ZBTB47: variants seen among roughly 807,000 people sequenced by gnomAD.
ZBTB47 encodes the protein zinc finger and BTB domain-containing protein 47.
Under a neutral mutation model 56.6 loss-of-function variants are expected in ZBTB47, and 24 were observed. The ratio of observed to expected loss-of-function variants is 0.42; its 90% confidence interval spans 0.31 to 0.60. The LOEUF (loss-of-function observed/expected upper bound fraction) is 0.60. Among genes scored for constraint, ZBTB47 ranks in the 20% least tolerant of loss-of-function variants. The pLI is 0.14. For missense variants in ZBTB47, 829 were observed against 1,032.6 expected (o/e 0.80, Z 2.70); for synonymous variants, 414 against 418.9 (o/e 0.99, Z 0.14).
intron 2 of ZBTB47, among the ~76,000 whole-genome samples, chr3:42,660,743 G>A (rs908298739): frequency 3.3e-5 from 5 of 152,180 alleles, no homozygotes; most frequent in African/African-American, 1.2e-4. Context: ...CCACTTGCCC[G>A]CCTGCTGGGC....
At position 42,659,256 on chromosome 3, in the gene ZBTB47, G is replaced by A; in HGVS notation, c.901G>A (p.Glu301Lys). The A allele has an allele frequency of 7.4e-7, 1 of 1,343,588 alleles. No individual in the cohort carries two copies. Among genetic ancestry groups the A allele is most frequent in the South Asian group, 1.5e-5 (1 of 68,460 alleles). 83.2% of individuals were successfully genotyped at this position (1,343,588 alleles called of 1,614,324 possible). A position where few individuals can be genotyped will look rare whatever the true frequency, so the allele number is the denominator to read the frequency against. Reference protein sequence around the residue: ...EEEEGGGSGREEEEEEEGGSQ... With the variant: ...EEEEGGGSGRKEEEEEEGGSQ... ...AGAGGAAGGTGGTGGCAGTGGACGG[G>A]AGGAGGAGGAGGAGGAAGAGGGTGG... Residue 301 changes from glutamate (E) to lysine (K), a missense_variant, in exon 2 of 6, where the codon GAG becomes AAG. Transcript: ENST00000232974.
Position 42,659,287 on chromosome 3 carries a change from A to G in ZBTB47, c.932A>G (p.Gln311Arg). Residue 311 changes from glutamine to arginine, a missense_variant, in exon 2 of 6, where the codon CAG (glutamine) becomes CGG (arginine). Physicochemically the swap from Gln to Arg is conservative, Grantham distance 43. This residue lies in a region of ZBTB47 where 359 missense variants were observed against 359.8 expected (regional missense o/e 1.00). Transcript: ENST00000232974. ...EEEEEEEGGS[Q>R]GEEEEEEEDG... ...GAGGAGGAGGAAGAGGGTGGCAGTC[A>G]GGGAGAAGAGGAAGAAGAGGAGGAG... 6.7e-7 allele frequency: 1 copy of G among 1,498,676 alleles called. No individual in the cohort carries two copies. Among genetic ancestry groups the G allele is most frequent in the Non-Finnish European group, 9.0e-7 (1 of 1,115,004 alleles). The allele number at this position is 1,498,676 out of a possible 1,614,324, so 92.8% of individuals were successfully genotyped here. A position where few individuals can be genotyped will look rare whatever the true frequency, so the allele number is the denominator to read the frequency against.
At chr3:42,657,358 G>C (rs1267707683) in intron 1 of ZBTB47, among the ~76,000 whole-genome samples, 1 of 152,196 alleles carries the variant, frequency 6.6e-6, no homozygotes, top group East Asian at 1.9e-4. Flanking sequence ...GGGGTCTGGG[G>C]GTCTACCGGG....
Position 42,654,700 on chromosome 3 carries a change from G to C in ZBTB47, c.-82+817G>C. 1.0e-6 allele frequency: 1 copy of C among 984,994 alleles called. No individual in the cohort carries two copies. Among genetic ancestry groups the C allele is most frequent in the East Asian group, 1.1e-4 (1 of 8,756 alleles). 61.0% of individuals were successfully genotyped at this position (984,994 alleles called of 1,614,324 possible). On this transcript the variant is annotated intron_variant, in intron 1 of 5. Coordinates refer to ENST00000232974, the MANE Select transcript of ZBTB47 (RefSeq NM_145166.4). The surrounding 1 kb of genome is among the most constrained non-coding windows in gnomAD (Gnocchi z 5.0). Reference sequence around the variant, plus strand: ...CCCCAGCGCCACGGCACCATGGTACGCAGGGCCCTGCCTGTCCCCCCGCTT... The same window carrying C: ...CCCCAGCGCCACGGCACCATGGTACCCAGGGCCCTGCCTGTCCCCCCGCTT...
At position 42,661,542 on chromosome 3, in the gene ZBTB47, A is replaced by G. The variant is rs751652342; in HGVS notation, c.1531A>G (p.Ile511Val). 1.9e-6 allele frequency: 3 copies of G among 1,614,046 alleles called. No individual in the cohort carries two copies. Among genetic ancestry groups the G allele is most frequent in the Non-Finnish European group, 2.5e-6 (3 of 1,179,890 alleles). Residue 511 changes from isoleucine to valine, a missense_variant, in exon 3 of 6, where the codon ATT becomes GTT. Ile to Val is a conservative substitution (Grantham distance 29, BLOSUM62 3). Transcript: ENST00000232974. ...TTGGTCCCTCCATGAGCATAACAAG[A>G]TTGTGCACGGCTACGCAGAGAAGAA... ...KLWSLHEHNK[I>V]VHGYAEKKFS...
In ZBTB47 at chr3:42,663,026, A is replaced by C; in HGVS notation, c.1636A>C (p.Met546Leu). ...RKHMVAHTKD[M>L]PFTCETCGKS... ...CCACCTCGTAGCCCACACCAAGGAC[A>C]TGCCCTTCACCTGCGAGACCTGCGG... The change falls in exon 4 of 6, where the codon ATG (methionine) becomes CTG (leucine). Residue 546 changes from methionine to leucine, a missense_variant. Coordinates refer to ENST00000232974, the MANE Select transcript of ZBTB47 (RefSeq NM_145166.4). The surrounding 1 kb of genome is among the most constrained non-coding windows in gnomAD (Gnocchi z 5.1). 1 of 1,613,762 alleles carries C rather than the reference A, an allele frequency of 6.2e-7. No individual in the cohort carries two copies. The highest frequency in any genetic ancestry group is 8.5e-7 in the Non-Finnish European group (1 of 1,179,672).
At position 42,665,182 on chromosome 3, in the gene ZBTB47, TG is replaced by T; in HGVS notation, c.*590del. ...GCCTGAGACTGGACCTGGGTGAGCG[TG>T]GGGGGTGGAGGGTGGCGAGGTGCGG... is the stretch of plus-strand genomic sequence containing the variant. On this transcript the variant is annotated 3_prime_UTR_variant, in exon 6 of 6. Coordinates refer to ENST00000232974, the MANE Select transcript of ZBTB47 (RefSeq NM_145166.4). 6.6e-6 allele frequency: 1 copy of T among 152,566 alleles called. No individual in the cohort carries two copies. The highest frequency in any genetic ancestry group is 1.5e-5 in the Non-Finnish European group (1 of 68,362). 9.5% of individuals were successfully genotyped at this position (152,566 alleles called of 1,614,324 possible).
chr3:42,663,124 T>C lies in ZBTB47; in HGVS notation c.1734T>C (p.Cys578=). ...ACTCAGGGGAGAAGCCGTTCAGATGTGAGGTGAGCTTCCATCTCCTGCCTG... is the reference window on the plus strand; with the variant it reads ...ACTCAGGGGAGAAGCCGTTCAGATGCGAGGTGAGCTTCCATCTCCTGCCTG... ...LQHSGEKPFR[C]ENCNERFQYK... is the part of the protein sequence containing the mutation. Residue 578 remains cysteine, a synonymous_variant, in exon 4 of 6, where the codon TGT becomes TGC. Coordinates refer to ENST00000232974, the MANE Select transcript of ZBTB47 (RefSeq NM_145166.4). This position sits in a 1 kb window ranked among gnomAD's most constrained non-coding sequence, Gnocchi z 5.1. 1 of 1,609,826 alleles carries C rather than the reference T, an allele frequency of 6.2e-7. No individual in the cohort carries two copies. Among genetic ancestry groups the C allele is most frequent in the Non-Finnish European group, 8.5e-7 (1 of 1,176,316 alleles).
chr3:42,658,419 G>A lies in ZBTB47; in HGVS notation c.64G>A (p.Val22Met). The A allele has an allele frequency of 6.5e-7, 1 of 1,536,990 alleles. No homozygotes were observed. Among genetic ancestry groups the A allele is most frequent in the Non-Finnish European group, 8.7e-7 (1 of 1,146,914 alleles). Reference protein sequence around the residue: ...PDLCDVDLVLVPQRSVFPAHK... With the variant: ...PDLCDVDLVLMPQRSVFPAHK... ...CCTCTGCGACGTGGACTTGGTGCTG[G>A]TGCCCCAGCGCAGCGTCTTTCCGGC... The change falls in exon 2 of 6, where the codon GTG (valine) becomes ATG (methionine). Residue 22 changes from valine (V) to methionine (M), a missense_variant. This residue lies in a region of ZBTB47 where 120 missense variants were observed against 200.2 expected (regional missense o/e 0.60). Transcript: ENST00000232974.
chr3:42,659,183 G>T lies in ZBTB47; in HGVS notation c.828G>T (p.Ser276=), dbSNP rs766823446. The T allele has an allele frequency of 1.3e-6, 2 of 1,524,228 alleles. No homozygotes were observed. Among genetic ancestry groups the T allele is most frequent in the Admixed American group, 2.0e-5 (1 of 50,182 alleles). 94.4% of individuals were successfully genotyped at this position (1,524,228 alleles called of 1,614,324 possible). ...GGGAGGACGGGCTGCAGAGACACTC[G>T]GACGAGGAGGAGGAGGACGACGAGG... ...LGREDGLQRH[S]DEEEEDDEEE... is the part of the protein sequence containing the mutation. Residue 276 remains serine (S), a synonymous_variant, in exon 2 of 6, where the codon TCG becomes TCT. Coordinates refer to ENST00000232974, the MANE Select transcript of ZBTB47 (RefSeq NM_145166.4).
chr3:42,660,729 G>A (rs1368886181), intron 2 of ZBTB47, among the ~76,000 whole-genome samples: 1 of 152,182 alleles, frequency 6.6e-6, no homozygotes, highest in African/African-American at 2.4e-5. Context: ...TTGTGTACCT[G>A]TGCCCACTTG....
chr3:42,661,421 G>A, intron 2 of ZBTB47, 64 bp from the exon 3 acceptor site: 2 of 1,562,410 alleles, frequency 1.3e-6, no homozygotes, highest in Non-Finnish European at 1.7e-6. Context: ...GGGGGCAGTA[G>A]CTTGCCCAAG....
At position 42,658,526 on chromosome 3, in the gene ZBTB47, G is replaced by A. The variant is rs1302627648; in HGVS notation, c.171G>A (p.Leu57=). ...ACAAGCAGCTGCAGCGTGTGGAGCT[G>A]TCCCTGGAGGCACTGGCACCTGGTG... ...TQNKQLQRVE[L]SLEALAPGGL... The change falls in exon 2 of 6, where the codon CTG becomes CTA. Residue 57 remains leucine (L), a synonymous_variant. Transcript: ENST00000232974. 6 of 1,537,088 alleles carry A rather than the reference G, an allele frequency of 3.9e-6. No homozygotes were observed. The highest frequency in any genetic ancestry group is 2.4e-5 in the East Asian group (1 of 40,922).
In ZBTB47 at chr3:42,664,464, C is replaced by A; in HGVS notation, c.2110C>A (p.Gln704Lys). 1 of 1,517,494 alleles carries A rather than the reference C, an allele frequency of 6.6e-7. No individual in the cohort carries two copies. The highest frequency in any genetic ancestry group is 8.8e-7 in the Non-Finnish European group (1 of 1,136,142). 94.0% of individuals were successfully genotyped at this position (1,517,494 alleles called of 1,614,324 possible). A position where few individuals can be genotyped will look rare whatever the true frequency, so the allele number is the denominator to read the frequency against. ...CGCTGCCCCAGGCCTGCCCCCAACC[C>A]AGCCCCAGGCGCACGCACTGCCCCT... ...VPAAPGLPPT[Q>K]PQAHALPLLP... The change falls in exon 6 of 6, where the codon CAG (glutamine) becomes AAG (lysine). Residue 704 changes from glutamine to lysine, a missense_variant. Coordinates refer to ENST00000232974, the MANE Select transcript of ZBTB47 (RefSeq NM_145166.4).
In ZBTB47 at chr3:42,664,459, C is replaced by G. The variant is rs780451836; in HGVS notation, c.2105C>G (p.Pro702Arg). The G allele has an allele frequency of 7.9e-6, 12 of 1,521,104 alleles. No individual in the cohort carries two copies. The highest frequency in any genetic ancestry group is 1.7e-4 in the Middle Eastern group (1 of 5,800). 94.2% of individuals were successfully genotyped at this position (1,521,104 alleles called of 1,614,324 possible). ...GTCCCCGCTGCCCCAGGCCTGCCCC[C>G]AACCCAGCCCCAGGCGCACGCACTG... The part of the protein sequence containing the change: ...DGVPAAPGLP[P>R]TQPQAHALPL... The change falls in exon 6 of 6, where the codon CCA becomes CGA. Residue 702 changes from proline (P) to arginine (R), a missense_variant. Physicochemically the swap from Pro to Arg is moderately radical, Grantham distance 103. Transcript: ENST00000232974.
intron 3 of ZBTB47, among the ~76,000 whole-genome samples, chr3:42,662,232 G>A (rs574317114): frequency 6.0e-4 from 92 of 152,278 alleles, no homozygotes; most frequent in African/African-American, 1.9e-3. Flanking sequence ...TTCCTTGCCC[G>A]CTCCAAGTCT....
chr3:42,667,180 G>A lies in ZBTB47; in HGVS notation c.*2582G>A, dbSNP rs771790031. 5.3e-5 allele frequency among the ~76,000 whole-genome samples: 8 copies of A among 152,260 alleles called. No individual in the cohort carries two copies. Among genetic ancestry groups the A allele is most frequent in the Non-Finnish European group, 1.2e-4 (8 of 68,048 alleles). On this transcript the variant is annotated 3_prime_UTR_variant, in exon 6 of 6. Coordinates refer to ENST00000232974, the MANE Select transcript of ZBTB47 (RefSeq NM_145166.4). Reference sequence around the variant, plus strand: ...CTCACTTTCCAGGGCTGGGGGAAGGGGGACGCAGGATCATCCCCTCCCAAG... The same window carrying A: ...CTCACTTTCCAGGGCTGGGGGAAGGAGGACGCAGGATCATCCCCTCCCAAG...
intron 3 of ZBTB47, among the ~76,000 whole-genome samples, chr3:42,662,110 C>T (rs932198512): frequency 1.3e-5 from 2 of 152,196 alleles, no homozygotes; most frequent in African/African-American, 4.8e-5. Context: ...CATGCCTGGA[C>T]ACAGTAAGGA....
rs1710645351 is a variant in ZBTB47, at chr3:42,656,762, G to A, written c.-81-1513G>A. On this transcript the variant is annotated intron_variant, in intron 1 of 5. Coordinates refer to ENST00000232974, the MANE Select transcript of ZBTB47 (RefSeq NM_145166.4). The surrounding 1 kb of genome is among the most constrained non-coding windows in gnomAD (Gnocchi z 5.8). ...CGGTAGGTTTCTCATTCAGGTGACTGAGAAGTGGAGCTCAACCACCACCAC... is the reference window on the plus strand; with the variant it reads ...CGGTAGGTTTCTCATTCAGGTGACTAAGAAGTGGAGCTCAACCACCACCAC... Among the ~76,000 whole-genome samples the A allele has an allele frequency of 6.6e-6, 1 of 152,102 alleles. No individual in the cohort carries two copies. Among genetic ancestry groups the A allele is most frequent in the Admixed American group, 6.5e-5 (1 of 15,280 alleles).
Sources: allele counts gnomAD v4.1 joint callset (sites outside exome capture counted in the v4.1 genomes callset), GRCh38; gene constraint gnomAD v4.1.1; regional missense constraint gnomAD v4.1.1; non-coding constraint Gnocchi (gnomAD v3.1); transcripts MANE v1.5; gene names NCBI Gene and HGNC (gene_info 2026-07-23, HGNC 2026-07-21).